VSTM2L: variants seen among roughly 807,000 people sequenced by gnomAD.
VSTM2L encodes V-set and transmembrane domain containing 2 like, also known as V-set and transmembrane domain-containing protein 2-like protein.
In VSTM2L, 9 loss-of-function variants were observed where a neutral mutation model predicts 19.9. The observed-to-expected ratio is 0.45, with a 90% CI of 0.27 to 0.79. The LOEUF is 0.79. Among genes scored for constraint, VSTM2L ranks in the 30% least tolerant of loss-of-function variants. The pLI is 0.15. For missense variants in VSTM2L, 286 were observed against 295.5 expected (o/e 0.97, Z 0.24); for synonymous variants, 127 against 133.8 (o/e 0.95, Z 0.35).
intron 1 of VSTM2L, among the ~76,000 whole-genome samples, chr20:37,920,894 CTTGATTGA>C (rs11467317): frequency 6.6e-5 from 10 of 150,396 alleles, no homozygotes; most frequent in South Asian, 2.1e-4. Context: ...TCCTTTCTCC[CTTGATTGA>C]TTGATTGATT....
chr20:37,920,775 C>T (rs112163731), intron 1 of VSTM2L, among the ~76,000 whole-genome samples: 1,781 of 152,342 alleles, frequency 0.012, 28 homozygotes, highest in African/African-American at 0.038. Context: ...ACATAGTAGG[C>T]ATCCAATAAA....
At chr20:37,914,399 T>TGTGTGC (rs1568835341) in intron 1 of VSTM2L, among the ~76,000 whole-genome samples, 118 of 828 alleles carry the variant, frequency 0.14, no homozygotes, top group South Asian at 0.18. Context: ...GGTGTGTGTA[T>TGTGTGC]GTATGTGTGG....
rs766602517 is a variant in VSTM2L, at chr20:37,931,719, C to T, written c.206C>T (p.Ser69Phe). 1.2e-6 allele frequency: 2 copies of T among 1,613,750 alleles called. No homozygotes were observed. Among genetic ancestry groups the T allele is most frequent in the South Asian group, 2.2e-5 (2 of 91,084 alleles). ...EMACSFRGSG[S>F]PSYSLEIQWW... ...GCCTGCTCCTTCCGCGGCAGCGGCT[C>T]CCCCTCCTACTCGCTGGAGATCCAG... Residue 69 changes from serine to phenylalanine, a missense_variant, in exon 2 of 4, where the codon TCC (serine) becomes TTC (phenylalanine). By Grantham distance (155) the Ser-to-Phe change is radical. Transcript: ENST00000373461.
At chr20:37,904,186 G>C (rs931603897) in intron 1 of VSTM2L, among the ~76,000 whole-genome samples, 4 of 152,210 alleles carry the variant, frequency 2.6e-5, no homozygotes, top group African/African-American at 9.6e-5. Context: ...GCACCTGGTG[G>C]AAGCCCCTCA....
intron 3 of VSTM2L, among the ~76,000 whole-genome samples, chr20:37,935,328 C>T (rs944339743): frequency 4.6e-5 from 7 of 152,168 alleles, no homozygotes; most frequent in Admixed American, 3.3e-4. Flanking sequence ...GTGCAGACAG[C>T]GCCACAAGAA....
At chr20:37,906,757 C>T (rs1158689749) in intron 1 of VSTM2L, among the ~76,000 whole-genome samples, 1 of 152,202 alleles carries the variant, frequency 6.6e-6, no homozygotes, top group Non-Finnish European at 1.5e-5. Context: ...TAGCCGTAAC[C>T]CAAGCTTTCT....
Position 37,945,074 on chromosome 20 carries a change from C to T in VSTM2L, c.*821C>T, listed in dbSNP as rs932445316. Reference sequence around the variant, plus strand: ...TCCCTCTTGGGTCCTGTGCCAAGTCCGCCCCAGGGCCTGGGGCTGTTGGGA... The same window carrying T: ...TCCCTCTTGGGTCCTGTGCCAAGTCTGCCCCAGGGCCTGGGGCTGTTGGGA... On this transcript the variant is annotated 3_prime_UTR_variant, in exon 4 of 4. Coordinates refer to ENST00000373461, the MANE Select transcript of VSTM2L (RefSeq NM_080607.3). 8 of 985,796 alleles carry T rather than the reference C, an allele frequency of 8.1e-6. No individual in the cohort carries two copies. The highest frequency in any genetic ancestry group is 1.1e-4 in the East Asian group (1 of 8,786). The allele number at this position is 985,796 out of a possible 1,614,324, so 61.1% of individuals were successfully genotyped here.
intron 1 of VSTM2L, among the ~76,000 whole-genome samples, chr20:37,910,049 C>A (rs118061638): frequency 0.02 from 3,078 of 152,320 alleles, 51 homozygotes; most frequent in Admixed American, 0.039. Context: ...CCAGTTTCAA[C>A]CCTCTTCAAA....
chr20:37,925,521 G>A (rs897893886), intron 1 of VSTM2L, among the ~76,000 whole-genome samples: 6 of 152,248 alleles, frequency 3.9e-5, no homozygotes, highest in Middle Eastern at 3.4e-3. Flanking sequence ...TTCTCCCTCC[G>A]GGGCAGCTTG....
Position 37,927,853 on chromosome 20 carries a change from C to T in VSTM2L, c.122-3782C>T, listed in dbSNP as rs112415984. Among the ~76,000 whole-genome samples the T allele has an allele frequency of 1.2e-3, 189 of 152,268 alleles. 1 individual carries two copies. The highest frequency in any genetic ancestry group is 4.5e-3 in the African/African-American group (185 of 41,568). On this transcript the variant is annotated intron_variant, in intron 1 of 3. Transcript: ENST00000373461. ...AGACGCACACACATTGTCTCCCGTGCCCCCGCCCACCACACATGGTTCCCA... is the reference window on the plus strand; with the variant it reads ...AGACGCACACACATTGTCTCCCGTGTCCCCGCCCACCACACATGGTTCCCA...
intron 1 of VSTM2L, among the ~76,000 whole-genome samples, chr20:37,930,032 C>G (rs1415152546): frequency 6.6e-6 from 1 of 152,168 alleles, no homozygotes; most frequent in Non-Finnish European, 1.5e-5. Context: ...ATTAACTAAC[C>G]AGGCCTTGTT....
At chr20:37,943,299 C>T (rs764862144) in intron 3 of VSTM2L, among the ~76,000 whole-genome samples, 2 of 150,170 alleles carry the variant, frequency 1.3e-5, no homozygotes, top group South Asian at 4.3e-4. Context: ...TTTAAAAGAC[C>T]GGTCTCACTC....
intron 1 of VSTM2L, among the ~76,000 whole-genome samples, chr20:37,916,948 G>T (rs2072822029): frequency 6.6e-6 from 1 of 152,132 alleles, no homozygotes; most frequent in Non-Finnish European, 1.5e-5. Flanking sequence ...CTTCTGGGGG[G>T]AAGACAGCAT....
chr20:37,933,521 C>A lies in VSTM2L; in HGVS notation c.292-18C>A. ...ACACCTTGTCTCTGCTCTCTCCGCC[C>A]CTCCCCGATCCCAACAGCTAAAAGC... On this transcript the variant is annotated intron_variant, in intron 2 of 3. Transcript: ENST00000373461. The A allele has an allele frequency of 6.2e-7, 1 of 1,613,280 alleles. No individual in the cohort carries two copies. Among genetic ancestry groups the A allele is most frequent in the Non-Finnish European group, 8.5e-7 (1 of 1,179,714 alleles).
intron 1 of VSTM2L, among the ~76,000 whole-genome samples, chr20:37,916,664 G>A (rs2072820308): frequency 6.6e-6 from 1 of 152,218 alleles, no homozygotes; most frequent in Non-Finnish European, 1.5e-5. Flanking sequence ...TGTAAGAAGA[G>A]GACAATGATA....
chr20:37,903,560 C>G (rs1222847419), intron 1 of VSTM2L, 89 bp downstream of exon 1: 1 of 1,316,604 alleles, frequency 7.6e-7, no homozygotes, highest in East Asian at 3.2e-5. Context: ...GGGCTCGAAC[C>G]GGCGCCAGTC....
chr20:37,931,092 G>T (rs1349443998), intron 1 of VSTM2L, among the ~76,000 whole-genome samples: 1 of 152,204 alleles, frequency 6.6e-6, no homozygotes. Context: ...GTGTCCACAG[G>T]ACAGGGAGGA....
intron 1 of VSTM2L, among the ~76,000 whole-genome samples, chr20:37,926,360 C>A (rs2072879123): frequency 6.6e-6 from 1 of 152,110 alleles, no homozygotes; most frequent in Admixed American, 6.6e-5. Context: ...CTGTGCCCTG[C>A]CGCGGGACTG....
intron 1 of VSTM2L, among the ~76,000 whole-genome samples, chr20:37,917,665 G>A (rs2072827089): frequency 6.6e-6 from 1 of 152,200 alleles, no homozygotes; most frequent in Admixed American, 6.5e-5. Context: ...CGTAAATCCT[G>A]GGCTCCCCCT....
Sources: gnomAD v4.1 joint callset for allele counts (sites outside exome capture counted in the v4.1 genomes callset) on GRCh38, gnomAD v4.1.1 for gene constraint, MANE v1.5 for transcripts, NCBI Gene and HGNC (gene_info 2026-07-23, HGNC 2026-07-21) for gene names.